BLTP2: variants seen among roughly 807,000 people sequenced by gnomAD.
BLTP2 encodes the protein bridge-like lipid transfer protein family member 2.
the BLTP2 span, among the ~76,000 whole-genome samples, chr17:28,640,224 C>T: frequency 2.0e-5 from 3 of 152,046 alleles, no homozygotes; most frequent in Non-Finnish European, 2.9e-5. Context: ...GAAACCCTGC[C>T]TCTACTAAAA....
At chr17:28,639,939 G>C in the BLTP2 span, 1 of 1,614,086 alleles carries the variant, frequency 6.2e-7, no homozygotes, top group East Asian at 2.2e-5. Flanking sequence ...TGCCATATCA[G>C]AGTTTGCTGT....
chr17:28,628,311 A>G, the BLTP2 span: 1 of 1,614,152 alleles, frequency 6.2e-7, no homozygotes, highest in Non-Finnish European at 8.5e-7. Flanking sequence ...TGGGAGTGTT[A>G]ACACGAGGTG....
chr17:28,640,136 T>TGTA, the BLTP2 span: 1 of 1,226,450 alleles, frequency 8.2e-7, no homozygotes, highest in South Asian at 1.4e-5. Context: ...GGCTCACTCT[T>TGTA]GTAATCCCAG....
the BLTP2 span, chr17:28,643,143 T>C: frequency 5.6e-5 from 90 of 1,613,994 alleles, no homozygotes; most frequent in Non-Finnish European, 6.9e-5. Context: ...CAGTCCAGGA[T>C]AGCAGGAGAA....
the BLTP2 span, among the ~76,000 whole-genome samples, chr17:28,629,553 C>T: frequency 3.3e-5 from 5 of 152,318 alleles, no homozygotes; most frequent in East Asian, 9.6e-4. Context: ...TCTCAGCTGG[C>T]TGCAACCTCC....
the BLTP2 span, chr17:28,623,986 A>G: frequency 6.2e-7 from 1 of 1,609,484 alleles, no homozygotes; most frequent in Non-Finnish European, 8.5e-7. Flanking sequence ...AGATAGAAGC[A>G]GAGTTAAGCT....
At chr17:28,620,490 T>A in the BLTP2 span, 1 of 1,613,654 alleles carries the variant, frequency 6.2e-7, no homozygotes, top group Non-Finnish European at 8.5e-7. Flanking sequence ...ACCAGCATTC[T>A]ACAAGGGCCC....
chr17:28,638,327 G>C, the BLTP2 span: 4 of 1,614,036 alleles, frequency 2.5e-6, no homozygotes, highest in East Asian at 8.9e-5. Flanking sequence ...CCCGCTGAAT[G>C]TGGGAGTCAC....
the BLTP2 span, chr17:28,621,078 G>A: frequency 6.2e-7 from 1 of 1,614,112 alleles, no homozygotes; most frequent in Non-Finnish European, 8.5e-7. Context: ...TCAATGTCAT[G>A]GCTGTAACTA....
chr17:28,619,020 G>A, the BLTP2 span: 4 of 1,504,142 alleles, frequency 2.7e-6, no homozygotes, highest in Non-Finnish European at 3.7e-6. Context: ...CAGCACATGG[G>A]TTGGGGGTGG....
the BLTP2 span, chr17:28,643,617 C>T: frequency 1.2e-6 from 2 of 1,613,926 alleles, no homozygotes; most frequent in South Asian, 2.2e-5. Context: ...CACGGAAGAT[C>T]ATGGCTAAGG....
chr17:28,643,421 C>CA, the BLTP2 span: 3 of 1,476,760 alleles, frequency 2.0e-6, no homozygotes, highest in Non-Finnish European at 2.8e-6. Context: ...GCTCAAATCA[C>CA]AGAGATTAGT....
the BLTP2 span, chr17:28,618,764 C>T: frequency 1.9e-6 from 3 of 1,590,876 alleles, no homozygotes; most frequent in African/African-American, 2.7e-5. Flanking sequence ...ATACAGCTGC[C>T]TTTGTGTGAC....
At chr17:28,623,780 C>T in the BLTP2 span, 2 of 1,614,176 alleles carry the variant, frequency 1.2e-6, no homozygotes, top group Non-Finnish European at 1.7e-6. Flanking sequence ...AGCTGTCGGC[C>T]ATCCTGCTCT....
the BLTP2 span, chr17:28,633,082 T>C: frequency 1.9e-6 from 3 of 1,592,208 alleles, no homozygotes; most frequent in South Asian, 1.1e-5. Flanking sequence ...ATGGTGATCA[T>C]GGGGGTTCCC....
At chr17:28,635,560 A>G in the BLTP2 span, 2 of 1,614,156 alleles carry the variant, frequency 1.2e-6, no homozygotes, top group Non-Finnish European at 1.7e-6. Flanking sequence ...GTACAGGTAC[A>G]TGTGATCTGG....
the BLTP2 span, chr17:28,634,835 G>C: frequency 6.2e-7 from 1 of 1,613,790 alleles, no homozygotes; most frequent in South Asian, 1.1e-5. Context: ...TGCTTCCGAA[G>C]GGCGGCCACT....
chr17:28,622,814 C>T, the BLTP2 span, among the ~76,000 whole-genome samples: 1 of 152,214 alleles, frequency 6.6e-6, no homozygotes, highest in Non-Finnish European at 1.5e-5. Context: ...GGGTGGCTCA[C>T]GCCTGTAATC....
At chr17:28,637,060 T>G in the BLTP2 span, 1 of 1,614,102 alleles carries the variant, frequency 6.2e-7, no homozygotes, top group Non-Finnish European at 8.5e-7. Context: ...CAGGGTTGCA[T>G]CTTCTCCGTG....
Sources: gnomAD v4.1 joint callset for allele counts (sites outside exome capture counted in the v4.1 genomes callset) on GRCh38, gnomAD v4.1.1 for gene constraint, MANE v1.5 for transcripts, NCBI Gene and HGNC (gene_info 2026-07-23, HGNC 2026-07-21) for gene names.